Variants in PIAS3 observed in about 807,000 individuals in gnomAD.
PIAS3 encodes protein inhibitor of activated STAT 3.
Under a neutral mutation model 67.6 loss-of-function variants are expected in PIAS3, and 34 were observed. That is an observed-to-expected ratio of 0.50 (90% CI 0.38 to 0.67). The LOEUF (loss-of-function observed/expected upper bound fraction) is 0.67, where lower values mean the gene tolerates loss of function less well. Ranked by LOEUF, PIAS3 falls within the 30% of genes least tolerant of loss-of-function variation. PIAS3 has a pLI of 0.00. For missense variants in PIAS3, 693 were observed against 791.6 expected (o/e 0.88, Z 1.49); for synonymous variants, 341 against 313.8 (o/e 1.09, Z -0.92).
intron 9 of PIAS3, among the ~76,000 whole-genome samples, chr1:145,853,276 G>C (rs937946905): frequency 2.1e-4 from 32 of 151,930 alleles, no homozygotes; most frequent in Non-Finnish European, 4.0e-4. Context: ...CAGGCATGGT[G>C]GTGGGTGCCT....
At position 145,849,782 on chromosome 1, in the gene PIAS3, G is replaced by C. The variant is rs141084280; in HGVS notation, c.1621-70C>G. 94 of 1,512,034 alleles carry C rather than the reference G, an allele frequency of 6.2e-5. No homozygotes were observed. The East Asian group carries it at 2.2e-3, about 36-fold the overall frequency. The allele number at this position is 1,512,034 out of a possible 1,614,324, so 93.7% of individuals were successfully genotyped here. On this transcript the variant is annotated intron_variant, in intron 13 of 13. Transcript: ENST00000393045. Reference sequence around the variant, plus strand: ...CCCCACCTCCCAGTCACTCATCTCAGAAATGCCGTATGAGAGCAATCAACC... The same window carrying C: ...CCCCACCTCCCAGTCACTCATCTCACAAATGCCGTATGAGAGCAATCAACC...
In PIAS3 at chr1:145,856,610, G is replaced by T; in HGVS notation, c.421C>A (p.Leu141Ile). 1 of 1,566,974 alleles carries T rather than the reference G, an allele frequency of 6.4e-7. No homozygotes were observed. ...ATACCAAGGGTGGTGGGCCGGATGA[G>T]CTCCCCATAGACTTCATAGAAGGGC... ...PLPFYEVYGE[L>I]IRPTTLASTS... Residue 141 changes from leucine (L) to isoleucine (I), a missense_variant, in exon 2 of 14, where the codon CTC becomes ATC. Around this residue, in one of 3 missense-constraint regions of PIAS3, gnomAD observed 308 missense variants for 348.8 expected, o/e 0.88. Coordinates refer to ENST00000393045, the MANE Select transcript of PIAS3 (RefSeq NM_006099.3).
At position 145,849,282 on chromosome 1, in the gene PIAS3, G is replaced by A. The variant is rs1383429239; in HGVS notation, c.*164C>T. The A allele has an allele frequency of 7.1e-6, 4 of 560,312 alleles. No individual in the cohort carries two copies. The highest frequency in any genetic ancestry group is 1.0e-3 in the Middle Eastern group (2 of 1,906). 34.7% of individuals were successfully genotyped at this position (560,312 alleles called of 1,614,324 possible). A position where few individuals can be genotyped will look rare whatever the true frequency, so the allele number is the denominator to read the frequency against. On this transcript the variant is annotated 3_prime_UTR_variant, in exon 14 of 14. Coordinates refer to ENST00000393045, the MANE Select transcript of PIAS3 (RefSeq NM_006099.3). ...AAGAGGTTAAATATTAACCCTTTGGGTGCTGGCCTTGTCAGGCAGAGATGA... is the reference window on the plus strand; with the variant it reads ...AAGAGGTTAAATATTAACCCTTTGGATGCTGGCCTTGTCAGGCAGAGATGA...
In PIAS3 at chr1:145,848,706, C is replaced by G; in HGVS notation, c.*740G>C. 1 of 501,182 alleles carries G rather than the reference C, an allele frequency of 2.0e-6. No individual in the cohort carries two copies. The highest frequency in any genetic ancestry group is 3.5e-6 in the Non-Finnish European group (1 of 284,016). The allele number at this position is 501,182 out of a possible 1,614,324, so 31.0% of individuals were successfully genotyped here. A position where few individuals can be genotyped will look rare whatever the true frequency, so the allele number is the denominator to read the frequency against. On this transcript the variant is annotated 3_prime_UTR_variant, in exon 14 of 14. Transcript: ENST00000393045. ...CCAGGCCTAACTACAGGGCCATGAG[C>G]CTCTAGAAGCTTAGGGGGGAATAAG...
chr1:145,849,989 C>G, intron 13 of PIAS3: 2 of 1,431,286 alleles, frequency 1.4e-6, no homozygotes, highest in Non-Finnish European at 1.8e-6. Context: ...GCTCTAAGTG[C>G]ACACGGGGGT....
chr1:145,851,031 T>C lies in PIAS3; in HGVS notation c.1268A>G (p.Tyr423Cys). The change falls in exon 10 of 14, where the codon TAT (tyrosine) becomes TGT (cysteine). Residue 423 changes from tyrosine (Y) to cysteine (C), a missense_variant. Physicochemically the swap from Tyr to Cys is radical, Grantham distance 194. This residue lies in a region of PIAS3 where 270 missense variants were observed against 261.0 expected (regional missense o/e 1.03). Coordinates refer to ENST00000393045, the MANE Select transcript of PIAS3 (RefSeq NM_006099.3). ...EASEVCPPPG[Y>C]GLDGLQYSPV... ...AGGGGGTCACTCACCATCCAGCCCA[T>C]ACCCTGGCGGGGGGCAAACCTCAGA... The C allele has an allele frequency of 6.2e-7, 1 of 1,614,184 alleles. No individual in the cohort carries two copies. Among genetic ancestry groups the C allele is most frequent in the Non-Finnish European group, 8.5e-7 (1 of 1,180,028 alleles).
rs587752599 is a variant in PIAS3 at position 145,858,679 on chromosome 1, C to T, written c.24+288G>A. 1.1e-4 allele frequency among the ~76,000 whole-genome samples: 16 copies of T among 150,522 alleles called. 1 individual carries two copies. In the South Asian group the frequency reaches 3.2e-3, roughly 30 times the overall value. ...CCCTGGCCCTACCCCAACAACCGCCCCTACTACTAAATCCGACTTCTACCC... is the reference window on the plus strand; with the variant it reads ...CCCTGGCCCTACCCCAACAACCGCCTCTACTACTAAATCCGACTTCTACCC... On this transcript the variant is annotated intron_variant, in intron 1 of 13. Coordinates refer to ENST00000393045, the MANE Select transcript of PIAS3 (RefSeq NM_006099.3).
chr1:145,856,125 C>G lies in PIAS3; in HGVS notation c.528-7G>C. 1 of 1,612,872 alleles carries G rather than the reference C, an allele frequency of 6.2e-7. No homozygotes were observed. The highest frequency in any genetic ancestry group is 8.5e-7 in the Non-Finnish European group (1 of 1,178,908). ...GGCTCCTGGCAGAACCTCTCTGTAA[C>G]AGGGAGGGAGATGAAGAGATGTCAG... On this transcript the variant is annotated splice_polypyrimidine_tract_variant and splice_region_variant and intron_variant, in intron 3 of 13. Coordinates refer to ENST00000393045, the MANE Select transcript of PIAS3 (RefSeq NM_006099.3).
chr1:145,852,249 C>CT (rs1405373844), intron 9 of PIAS3, among the ~76,000 whole-genome samples: 2 of 152,100 alleles, frequency 1.3e-5, no homozygotes, highest in South Asian at 4.1e-4. Context: ...CAGAACGAGA[C>CT]CCTGTCTCAA....
rs368785265 is a variant in PIAS3, at chr1:145,850,829, T to C, written c.1390A>G (p.Thr464Ala). Residue 464 changes from threonine to alanine, a missense_variant, in exon 11 of 14, where the codon ACC becomes GCC. By Grantham distance (58) the Thr-to-Ala change is moderately conservative. Around this residue, in one of 3 missense-constraint regions of PIAS3, gnomAD observed 270 missense variants for 261.0 expected, o/e 1.03. Coordinates refer to ENST00000393045, the MANE Select transcript of PIAS3 (RefSeq NM_006099.3). ...GAGGTGACAGAACAGTGCTTCTTGG[T>C]AGGGGGCAGATCCTCCTCATCTGAT... Reference protein sequence around the residue: ...SSSDEEDLPPTKKHCSVTSAA... With the variant: ...SSSDEEDLPPAKKHCSVTSAA... The C allele has an allele frequency of 4.3e-6, 7 of 1,614,230 alleles. 1 individual carries two copies. The African/African-American group carries it at 9.3e-5, about 22-fold the overall frequency.
intron 1 of PIAS3, 39 bp downstream of exon 1, chr1:145,858,928 G>A (rs370548077): frequency 1.1e-3 from 1,568 of 1,477,880 alleles, no homozygotes; most frequent in Non-Finnish European, 1.3e-3. Context: ...CGTACCGCCG[G>A]GCTGAGTCCA....
chr1:145,858,120 C>T (rs1653266966), intron 1 of PIAS3, among the ~76,000 whole-genome samples: 1 of 152,048 alleles, frequency 6.6e-6, no homozygotes. Context: ...GGGGAGCGCT[C>T]TCCTTAGAAG....
chr1:145,855,925 T>C, intron 4 of PIAS3, 99 bp from the exon 5 acceptor site: 1 of 1,048,850 alleles, frequency 9.5e-7, no homozygotes, highest in Non-Finnish European at 1.5e-6. Flanking sequence ...CATAGATGCC[T>C]GAAGCCCTCA....
rs1553735615 is a variant in PIAS3, at chr1:145,856,360, T to C, written c.514A>G (p.Ile172Val). 7 of 1,613,550 alleles carry C rather than the reference T, an allele frequency of 4.3e-6. No homozygotes were observed. In the African/African-American group the frequency reaches 6.7e-5, roughly 15 times the overall value. The change falls in exon 3 of 14, where the codon ATT becomes GTT. Residue 172 changes from isoleucine to valine, a missense_variant. Transcript: ENST00000393045. Reference protein sequence around the residue: ...FALTPQQVQQILTSREVLPGA... With the variant: ...FALTPQQVQQVLTSREVLPGA... ...GAAGAGATGTACCTGGATGTAAGAATCTGCTGCACTTGCTGGGGTGTGAGG... is the reference window on the plus strand; with the variant it reads ...GAAGAGATGTACCTGGATGTAAGAACCTGCTGCACTTGCTGGGGTGTGAGG...
At chr1:145,858,437 G>A (rs1220733557) in intron 1 of PIAS3, among the ~76,000 whole-genome samples, 1 of 149,670 alleles carries the variant, frequency 6.7e-6, no homozygotes. Context: ...TCGAGGTATC[G>A]GCCCGCACAG....
intron 5 of PIAS3, 30 bp from the exon 6 acceptor site, chr1:145,854,910 A>G: frequency 6.2e-7 from 1 of 1,612,424 alleles, no homozygotes; most frequent in East Asian, 2.2e-5. Context: ...GTCAGTGGAG[A>G]AGTGGCTCTG....
At chr1:145,857,044 T>C in intron 1 of PIAS3, 38 bp from the exon 2 acceptor site, 1 of 1,580,940 alleles carries the variant, frequency 6.3e-7, no homozygotes, top group African/African-American at 1.3e-5. Context: ...CATCCTCCCT[T>C]GCACAGGCCT....
In PIAS3 at chr1:145,849,662, G is replaced by A; in HGVS notation, c.1671C>T (p.Gly557=). 3.7e-6 allele frequency: 6 copies of A among 1,612,564 alleles called. No homozygotes were observed. The highest frequency in any genetic ancestry group is 5.1e-6 in the Non-Finnish European group (6 of 1,179,270). Residue 557 remains glycine (G), a synonymous_variant, in exon 14 of 14, where the codon GGC becomes GGT. Coordinates refer to ENST00000393045, the MANE Select transcript of PIAS3 (RefSeq NM_006099.3). Reference sequence around the variant, plus strand: ...GGGTCCCTCGGTACTGGAAGAAGTGGCCAAGGGCATCCTGTTCATCTAGTG... The same window carrying A: ...GGGTCCCTCGGTACTGGAAGAAGTGACCAAGGGCATCCTGTTCATCTAGTG... ...ITSLDEQDAL[G]HFFQYRGTPS...
chr1:145,856,818 C>T lies in PIAS3; in HGVS notation c.213G>A (p.Gly71=), dbSNP rs782610345. 8 of 1,613,962 alleles carry T rather than the reference C, an allele frequency of 5.0e-6. No homozygotes were observed. The highest frequency in any genetic ancestry group is 4.4e-5 in the South Asian group (4 of 91,076). Residue 71 remains glycine (G), a synonymous_variant, in exon 2 of 14, where the codon GGG becomes GGA. Transcript: ENST00000393045. ...YRRRFPRKTL[G]PSDLSLLSLP... ...AAGAGAGAAGGGAGAGATCAGAGGG[C>T]CCCAGGGTCTTCCGGGGAAAGCGTC...
Sources: allele counts gnomAD v4.1 joint callset (sites outside exome capture counted in the v4.1 genomes callset), GRCh38; gene constraint gnomAD v4.1.1; regional missense constraint gnomAD v4.1.1; transcripts MANE v1.5; gene names NCBI Gene and HGNC (gene_info 2026-07-23, HGNC 2026-07-21).